ZNF346: variants seen among roughly 807,000 people sequenced by gnomAD.
ZNF346 encodes the protein zinc finger protein 346.
ZNF346 carries 23 observed loss-of-function variants against 33.7 expected under a neutral mutation model. That is an observed-to-expected ratio of 0.68 (90% confidence interval 0.49 to 0.97). The LOEUF is 0.97. Among genes scored for constraint, ZNF346 ranks in the 50% least tolerant of loss-of-function variants. The pLI is 0.00. For missense variants in ZNF346, 340 were observed against 371.1 expected, an observed-to-expected ratio of 0.92 and a Z score of 0.69; for synonymous variants, 134 against 142.4, an observed-to-expected ratio of 0.94 and a Z score of 0.42.
chr5:177,050,425 G>T (rs1780695063), intron 4 of ZNF346, among the ~76,000 whole-genome samples: 1 of 152,214 alleles, frequency 6.6e-6, no homozygotes, highest in South Asian at 2.1e-4. Flanking sequence ...TTGGCAGCCT[G>T]ACAGGAGAAG....
At chr5:177,023,186 G>A (rs1402995843) in intron 1 of ZNF346, 1 of 1,536,608 alleles carries the variant, frequency 6.5e-7, no homozygotes, top group East Asian at 2.4e-5. Flanking sequence ...TTCGAGGACT[G>A]TCATCCCTAT....
rs1298717622 is a variant in ZNF346 at position 177,077,506 on chromosome 5, C to T, written c.*3-1876C>T. Among the ~76,000 whole-genome samples the T allele has an allele frequency of 6.6e-6, 1 of 152,202 alleles. No individual in the cohort carries two copies. The highest frequency in any genetic ancestry group is 1.5e-5 in the Non-Finnish European group (1 of 68,042). On this transcript the variant is annotated intron_variant, in intron 8 of 8. Coordinates refer to the ZNF346 transcript ENST00000503039. This position sits in a 1 kb window ranked among gnomAD's most constrained non-coding sequence, Gnocchi z 5.0. ...TATTGCTGTCTTTCACAGAGAAGCT[C>T]TCCCAAGCAACTCTAGGCATCCCTA...
chr5:177,057,074 G>T (rs1002989650), intron 5 of ZNF346, among the ~76,000 whole-genome samples: 3 of 152,124 alleles, frequency 2.0e-5, no homozygotes, highest in African/African-American at 7.2e-5. Flanking sequence ...ACTTTGGGAG[G>T]CCGAGGCGGG....
intron 5 of ZNF346, among the ~76,000 whole-genome samples, chr5:177,058,434 G>A (rs1782043891): frequency 6.6e-6 from 1 of 151,910 alleles, no homozygotes; most frequent in African/African-American, 2.4e-5. Flanking sequence ...TCACGCCATT[G>A]CACTCCAGCC....
chr5:177,038,960 C>T (rs1056415154), intron 1 of ZNF346, among the ~76,000 whole-genome samples: 30 of 150,316 alleles, frequency 2.0e-4, no homozygotes, highest in African/African-American at 7.1e-4. Context: ...GGCACAATCT[C>T]GGCTCACTGC....
intron 1 of ZNF346, among the ~76,000 whole-genome samples, chr5:177,033,011 T>C (rs1398246149): frequency 6.6e-6 from 1 of 152,238 alleles, no homozygotes; most frequent in Non-Finnish European, 1.5e-5. Flanking sequence ...ATTAAAATAC[T>C]ACATTGTCTA....
chr5:177,056,075 CAAAA>C (rs386405776), intron 5 of ZNF346, among the ~76,000 whole-genome samples: 1 of 97,112 alleles, frequency 1.0e-5, no homozygotes. Context: ...GACTCCGTCT[CAAAA>C]AAAAAAAAAA....
chr5:177,059,328 A>G (rs1156846715), intron 5 of ZNF346, among the ~76,000 whole-genome samples: 4 of 152,186 alleles, frequency 2.6e-5, no homozygotes, highest in African/African-American at 4.8e-5. Context: ...TTGAAACCCA[A>G]TGTAGTTCTG....
In ZNF346 at chr5:177,067,092, A is replaced by G. The variant is rs1303619101; in HGVS notation, c.*2493A>G. Among the ~76,000 whole-genome samples the G allele has an allele frequency of 6.6e-6, 1 of 151,984 alleles. No homozygotes were observed. The highest frequency in any genetic ancestry group is 2.4e-5 in the African/African-American group (1 of 41,378). ...ATAAATAAATAATAAATTTTAAAAG[A>G]AGGTAGCCAGGTGTGGTGGTGCATT... is the stretch of plus-strand genomic sequence containing the variant. On this transcript the variant is annotated 3_prime_UTR_variant, in exon 7 of 7. Coordinates refer to ENST00000358149, the MANE Select transcript of ZNF346 (RefSeq NM_012279.4).
chr5:177,026,916 AC>A (rs1255421768), intron 1 of ZNF346, among the ~76,000 whole-genome samples: 1 of 152,154 alleles, frequency 6.6e-6, no homozygotes, highest in East Asian at 1.9e-4. Flanking sequence ...GTTAATCCTT[AC>A]CCACTTGTGG....
At chr5:177,046,320 C>A (rs968143161) in intron 4 of ZNF346, among the ~76,000 whole-genome samples, 19 of 147,080 alleles carry the variant, frequency 1.3e-4, no homozygotes, top group South Asian at 8.7e-4. Context: ...AAAAAAAAAA[C>A]CAATTTTATA....
chr5:177,071,609 C>T (rs1408893924), downstream of ZNF346, among the ~76,000 whole-genome samples: 3 of 150,848 alleles, frequency 2.0e-5, no homozygotes, highest in East Asian at 1.9e-4. Context: ...GGCATGAACC[C>T]GGGAGGCGGA....
chr5:177,044,599 G>C (rs1375669042), intron 4 of ZNF346, 66 bp downstream of exon 4: 1 of 1,549,542 alleles, frequency 6.5e-7, no homozygotes, highest in Non-Finnish European at 8.8e-7. Flanking sequence ...ACTGCCAGGG[G>C]CTCACAGAGA....
chr5:177,076,859 G>C (rs1783774685), intron 8 of ZNF346, among the ~76,000 whole-genome samples: 1 of 152,118 alleles, frequency 6.6e-6, no homozygotes, highest in African/African-American at 2.4e-5. Context: ...TGGCCAATAT[G>C]GTGAAACCCC....
chr5:177,073,000 C>T (rs1004353537), intron 8 of ZNF346, among the ~76,000 whole-genome samples: 1 of 152,216 alleles, frequency 6.6e-6, no homozygotes, highest in Non-Finnish European at 1.5e-5. Flanking sequence ...CTCCACTCAT[C>T]CAGAGATCAC....
chr5:177,035,938 C>T (rs1340866988), intron 1 of ZNF346, among the ~76,000 whole-genome samples: 1 of 151,330 alleles, frequency 6.6e-6, no homozygotes, highest in Non-Finnish European at 1.5e-5. Context: ...CGCACCCGGC[C>T]TAATTGACAA....
At chr5:177,048,482 A>C (rs946359187) in intron 4 of ZNF346, among the ~76,000 whole-genome samples, 1 of 152,182 alleles carries the variant, frequency 6.6e-6, no homozygotes, top group East Asian at 1.9e-4. Flanking sequence ...TTAGCTGGGC[A>C]TGGTGGCGTA....
chr5:177,030,109 A>G (rs925631071), intron 1 of ZNF346, among the ~76,000 whole-genome samples: 3 of 152,196 alleles, frequency 2.0e-5, no homozygotes, highest in Non-Finnish European at 4.4e-5. Context: ...TCTCCAGAGC[A>G]CTGCTTTAGT....
At chr5:177,034,217 T>TTTA (rs1554144249) in intron 1 of ZNF346, among the ~76,000 whole-genome samples, 56 of 150,492 alleles carry the variant, frequency 3.7e-4, no homozygotes, top group African/African-American at 1.3e-3. Flanking sequence ...TTTTTTTTTT[T>TTTA]AATTTTGAGA....
Sources: gnomAD v4.1 joint callset for allele counts (sites outside exome capture counted in the v4.1 genomes callset) on GRCh38, gnomAD v4.1.1 for gene constraint, Gnocchi (gnomAD v3.1) non-coding constraint, MANE v1.5 for transcripts, NCBI Gene and HGNC (gene_info 2026-07-23, HGNC 2026-07-21) for gene names.